TMPRSS9: variants seen among roughly 807,000 people sequenced by gnomAD.
TMPRSS9 encodes transmembrane serine protease 9.
Under a neutral mutation model 111.4 loss-of-function variants are expected in TMPRSS9, and 113 were observed. The ratio of observed to expected loss-of-function variants is 1.01; its 90% CI spans 0.87 to 1.19. The LOEUF is 1.19. TMPRSS9 is among the 50% of genes most tolerant of loss of function. The probability of loss-of-function intolerance (pLI) is 0.00; values close to 1 mark genes in which losing one functional copy is unlikely to be tolerated. For synonymous variants in TMPRSS9, 805 were observed against 659.1 expected (o/e 1.22, Z -3.39); for missense variants, 1,803 against 1,513.1 (o/e 1.19, Z -3.18).
intron 1 of TMPRSS9, among the ~76,000 whole-genome samples, chr19:2,361,998 G>A (rs1055466900): frequency 9.2e-5 from 14 of 152,110 alleles, no homozygotes; most frequent in Non-Finnish European, 1.8e-4. Context: ...GTGATTGTGT[G>A]TGATCATGTG....
chr19:2,407,592 T>TTTTTTCTTTTC (rs149309421), intron 7 of TMPRSS9, among the ~76,000 whole-genome samples: 52,664 of 86,760 alleles, frequency 0.61, 16,526 homozygotes, highest in Admixed American at 0.75. Context: ...CACCTGTGAT[T>TTTTTTCTTTTC]TTTTTCTTTT....
At chr19:2,363,823 TGAGA>T (rs796275292) in intron 1 of TMPRSS9, among the ~76,000 whole-genome samples, 22 of 107,060 alleles carry the variant, frequency 2.1e-4, no homozygotes, top group Admixed American at 3.5e-4. Flanking sequence ...CGTGTGTGTG[TGAGA>T]GAGAGAGAGA....
exon 8 of TMPRSS9, chr19:2,408,541 A>G: frequency 6.2e-7 from 1 of 1,613,702 alleles, no homozygotes; most frequent in African/African-American, 1.3e-5. Flanking sequence ...CGGCACATCC[A>G]GCCCGTGTGC....
chr19:2,399,281 C>A, intron 4 of TMPRSS9, 88 bp downstream of exon 5: 1 of 1,462,494 alleles, frequency 6.8e-7, no homozygotes, highest in Non-Finnish European at 9.1e-7. Context: ...ACCACCCCTT[C>A]CCATAAAAAG....
At chr19:2,414,189 T>G (rs1342246390) in intron 10 of TMPRSS9, 171 bp downstream of exon 11, 1 of 675,058 alleles carries the variant, frequency 1.5e-6, no homozygotes, top group Non-Finnish European at 2.4e-6. Flanking sequence ...GGTATCTTTC[T>G]GTCCACAGGT....
intron 7 of TMPRSS9, among the ~76,000 whole-genome samples, chr19:2,406,314 G>A (rs574891354): frequency 5.5e-5 from 7 of 127,296 alleles, no homozygotes; most frequent in South Asian, 2.6e-4. Context: ...CACTGCGCCC[G>A]GCCTCTTTAT....
At chr19:2,384,715 G>T (rs1970438261) in intron 1 of TMPRSS9, among the ~76,000 whole-genome samples, 1 of 151,570 alleles carries the variant, frequency 6.6e-6, no homozygotes. Context: ...CTCAGGAGGC[G>T]GAGTCAGGAG....
At chr19:2,376,186 C>T (rs150047810) in intron 1 of TMPRSS9, among the ~76,000 whole-genome samples, 1,702 of 152,220 alleles carry the variant, frequency 0.011, 36 homozygotes, top group African/African-American at 0.037. Flanking sequence ...ATCCCTTGCT[C>T]GGGGCCCCTT....
At chr19:2,392,234 A>G (rs1970613474) in intron 1 of TMPRSS9, among the ~76,000 whole-genome samples, 1 of 151,980 alleles carries the variant, frequency 6.6e-6, no homozygotes, top group Admixed American at 6.6e-5. Context: ...AAAATTTTAT[A>G]ATGTTTTCAG....
intron 1 of TMPRSS9, among the ~76,000 whole-genome samples, chr19:2,368,521 G>T (rs749267125): frequency 1.3e-5 from 2 of 152,124 alleles, no homozygotes; most frequent in Admixed American, 6.5e-5. Flanking sequence ...AGACCCGGTC[G>T]CTGTGGGGAG....
At chr19:2,369,167 T>C (rs1970270821) in intron 1 of TMPRSS9, among the ~76,000 whole-genome samples, 1 of 151,954 alleles carries the variant, frequency 6.6e-6, no homozygotes, top group Non-Finnish European at 1.5e-5. Flanking sequence ...GCCATGCTGG[T>C]CTCAAACTCC....
At chr19:2,388,635 C>G (rs892827814), upstream of TMPRSS9, among the ~76,000 whole-genome samples, 1 of 152,098 alleles carries the variant, frequency 6.6e-6, no homozygotes. Context: ...TTTTTAAATT[C>G]TTTGAGACAG....
chr19:2,381,151 A>G (rs1970382118), intron 1 of TMPRSS9, among the ~76,000 whole-genome samples: 1 of 152,026 alleles, frequency 6.6e-6, no homozygotes, highest in Admixed American at 6.6e-5. Flanking sequence ...GGTTCGACGC[A>G]GCCAGGCCTG....
chr19:2,426,111 G>GA (rs1971623283), exon 18 of TMPRSS9: 1 of 1,523,768 alleles, frequency 6.6e-7, no homozygotes, highest in Non-Finnish European at 8.8e-7. Context: ...TGCCCAGGCC[G>GA]AGACTCTACG....
chr19:2,373,217 C>G (rs890912440), intron 1 of TMPRSS9, among the ~76,000 whole-genome samples: 5 of 151,986 alleles, frequency 3.3e-5, no homozygotes, highest in African/African-American at 9.7e-5. Context: ...CTTTTGCTTT[C>G]TTTTTTTATT....
rs772869742 is a variant in TMPRSS9 at position 2,372,624 on chromosome 19, C to T, written c.-26+12264C>T. ...CTGCCTTTCTCTGAATTAAAACGCT[C>T]GCTTGTCTGAGACCGGCTGTCTCCA... On this transcript the variant is annotated intron_variant, in intron 1 of 17. Coordinates refer to the TMPRSS9 transcript ENST00000649857. Among the ~76,000 whole-genome samples the T allele has an allele frequency of 2.0e-5, 3 of 152,140 alleles. No homozygotes were observed. In the South Asian group the frequency reaches 6.2e-4, roughly 32 times the overall value.
Position 2,382,030 on chromosome 19 carries a change from C to T in TMPRSS9, c.-25-7731C>T, listed in dbSNP as rs145666279. ...GCTAATTTTGTATTTTTAGTAGAGA[C>T]GGGGTTTCACTATGTTGTCAGGCTG... On this transcript the variant is annotated intron_variant, in intron 1 of 17. Transcript: ENST00000649857. Among the ~76,000 whole-genome samples the T allele has an allele frequency of 1.1e-3, 170 of 152,044 alleles. 2 individuals are homozygous for T. Among genetic ancestry groups the T allele is most frequent in the African/African-American group, 3.4e-3 (143 of 41,500 alleles).
exon 12 of TMPRSS9, chr19:2,416,574 T>A (rs770265854): frequency 8.1e-6 from 13 of 1,611,388 alleles, no homozygotes; most frequent in Admixed American, 3.3e-5. Context: ...ACCTGGGCAC[T>A]GCGTCCCTCC....
At position 2,413,967 on chromosome 19, in the gene TMPRSS9, C is replaced by T. The variant is rs748966393; in HGVS notation, c.1522C>T (p.Gln508Ter). Residue 508 changes from glutamine (Q) to a stop codon, truncating the protein, a stop_gained, in exon 10 of 18, where the codon CAG becomes TAG. Coordinates refer to ENST00000648592, the Ensembl canonical transcript of TMPRSS9. LOFTEE classifies it high-confidence loss of function. ...GGTCAGCACCCCCACCAAATCGATG[C>T]AGGCCCTCAGTACCGTGCCTCTTGA... 7.5e-6 allele frequency: 12 copies of T among 1,610,340 alleles called. No individual in the cohort carries two copies. In the South Asian group the frequency reaches 9.9e-5, roughly 13 times the overall value.
Sources: gnomAD v4.1 joint callset for allele counts (sites outside exome capture counted in the v4.1 genomes callset) on GRCh38, gnomAD v4.1.1 for gene constraint, MANE v1.5 for transcripts, NCBI Gene and HGNC (gene_info 2026-07-23, HGNC 2026-07-21) for gene names.